The following GABRG3 variants were observed in gnomAD, a reference collection of about 807,000 sequenced individuals.
GABRG3 encodes the protein gamma-aminobutyric acid type A receptor subunit gamma3, also known as gamma-aminobutyric acid receptor subunit gamma-3.
A neutral mutation model predicts 48.8 loss-of-function variants in GABRG3; 25 were observed. That is an observed-to-expected ratio of 0.51 (90% CI 0.37 to 0.72). The LOEUF is 0.72. GABRG3 is among the 30% of genes least tolerant of loss of function. The pLI, the probability that GABRG3 is intolerant of heterozygous loss-of-function variation, is 0.00. For synonymous variants in GABRG3, 227 were observed against 217.6 expected, an observed-to-expected ratio of 1.04 and a Z score of -0.38; for missense variants, 394 against 577.9, an observed-to-expected ratio of 0.68 and a Z score of 3.26.
intron 3 of GABRG3, among the ~76,000 whole-genome samples, chr15:27,323,477 T>G (rs1174503180): frequency 6.6e-6 from 1 of 152,198 alleles, no homozygotes; most frequent in Non-Finnish European, 1.5e-5. Flanking sequence ...GAGTAAAACT[T>G]AAAAATGCCC....
intron 6 of GABRG3, among the ~76,000 whole-genome samples, chr15:27,512,718 T>C (rs758470845): frequency 7.9e-5 from 12 of 152,084 alleles, no homozygotes; most frequent in Non-Finnish European, 1.6e-4. Context: ...AGAAAAGAAC[T>C]CACAAACAGG....
At chr15:27,034,994 C>T (rs13380408) in intron 3 of GABRG3, among the ~76,000 whole-genome samples, 2,370 of 152,280 alleles carry the variant, frequency 0.016, 50 homozygotes, top group African/African-American at 0.053. Flanking sequence ...ACCTATGAGG[C>T]CATGGCTGTC....
rs1317590467 is a variant in GABRG3 at position 27,024,059 on chromosome 15, C to T, written c.203-2695C>T. 5.3e-5 allele frequency among the ~76,000 whole-genome samples: 8 copies of T among 152,100 alleles called. 1 individual carries two copies. The South Asian group carries it at 1.0e-3, about 20-fold the overall frequency. ...TATTTTGTGGTTTTGATTTGCATTT[C>T]CCTAATAACTAATGATGTTTTCATG... On this transcript the variant is annotated intron_variant, in intron 2 of 9. Coordinates refer to ENST00000615808, the MANE Select transcript of GABRG3 (RefSeq NM_033223.5).
intron 3 of GABRG3, among the ~76,000 whole-genome samples, chr15:27,046,087 C>CT (rs576009945): frequency 4.0e-5 from 6 of 151,854 alleles, no homozygotes; most frequent in African/African-American, 1.2e-4. Context: ...ACTTCTTTTT[C>CT]TTTTTTTTCT....
intron 3 of GABRG3, among the ~76,000 whole-genome samples, chr15:27,039,483 C>A (rs1222775340): frequency 6.6e-6 from 1 of 152,172 alleles, no homozygotes; most frequent in African/African-American, 2.4e-5. Flanking sequence ...TCCCTGCATG[C>A]TGCTCAGCAG....
intron 5 of GABRG3, among the ~76,000 whole-genome samples, chr15:27,477,168 G>A (rs1367274855): frequency 6.6e-6 from 1 of 152,180 alleles, no homozygotes; most frequent in Non-Finnish European, 1.5e-5. Context: ...TTGCCCAAAT[G>A]TAGAAGCAAC....
chr15:27,348,461 C>G lies in GABRG3; in HGVS notation c.574+19573C>G, dbSNP rs376423056. Among the ~76,000 whole-genome samples, 26 of 152,160 alleles carry G rather than the reference C, an allele frequency of 1.7e-4. No individual in the cohort carries two copies. In the East Asian group the frequency reaches 3.7e-3, roughly 21 times the overall value. On this transcript the variant is annotated intron_variant, in intron 5 of 9. Transcript: ENST00000615808. Reference sequence around the variant, plus strand: ...GAACTAATTTAGCCTTTAAAACAACCCACTGTGATAGGATTATGATTCTCT... The same window carrying G: ...GAACTAATTTAGCCTTTAAAACAACGCACTGTGATAGGATTATGATTCTCT...
intron 2 of GABRG3, among the ~76,000 whole-genome samples, chr15:27,009,247 C>T (rs112247598): frequency 1.3e-5 from 2 of 151,914 alleles, no homozygotes; most frequent in East Asian, 1.9e-4. Context: ...TAGAACAAGC[C>T]GTCAGTGTTG....
intron 3 of GABRG3, among the ~76,000 whole-genome samples, chr15:27,085,631 C>G (rs985439398): frequency 2.6e-5 from 4 of 152,162 alleles, no homozygotes; most frequent in Non-Finnish European, 5.9e-5. Flanking sequence ...ATCAATTATT[C>G]TAACTTAAAA....
chr15:27,213,021 A>G (rs1469636252), intron 3 of GABRG3, among the ~76,000 whole-genome samples: 1 of 152,118 alleles, frequency 6.6e-6, no homozygotes, highest in East Asian at 1.9e-4. Context: ...TACTTTAACA[A>G]TTCCTCTCTA....
intron 2 of GABRG3, among the ~76,000 whole-genome samples, chr15:26,980,237 T>C (rs990852234): frequency 3.3e-5 from 5 of 152,230 alleles, no homozygotes; most frequent in African/African-American, 1.2e-4. Flanking sequence ...GTTTATTTTA[T>C]TGACCTTTTT....
At chr15:27,459,843 C>T (rs147259465) in intron 5 of GABRG3, among the ~76,000 whole-genome samples, 2 of 152,304 alleles carry the variant, frequency 1.3e-5, no homozygotes, top group East Asian at 3.9e-4. Flanking sequence ...TTTTCCCTCT[C>T]ATTTCTTGCT....
chr15:27,305,490 T>A lies in GABRG3; in HGVS notation c.271-21319T>A, dbSNP rs533995054. Among the ~76,000 whole-genome samples the A allele has an allele frequency of 6.8e-5, 10 of 147,260 alleles. No individual in the cohort carries two copies. The South Asian group carries it at 1.3e-3, about 19-fold the overall frequency. On this transcript the variant is annotated intron_variant, in intron 3 of 9. Transcript: ENST00000615808. ...TGTGTGTGTGTGGTCTGTGTGTTTT[T>A]TATATATATATAAACATATATAAAC...
intron 3 of GABRG3, among the ~76,000 whole-genome samples, chr15:27,222,238 C>T (rs1004588841): frequency 5.3e-5 from 8 of 152,308 alleles, no homozygotes; most frequent in Non-Finnish European, 7.3e-5. Flanking sequence ...CAGCCAGCTG[C>T]GCAGGCTTGA....
At chr15:27,038,555 C>A (rs184162988) in intron 3 of GABRG3, among the ~76,000 whole-genome samples, 139 of 152,334 alleles carry the variant, frequency 9.1e-4, no homozygotes, top group African/African-American at 3.0e-3. Context: ...CTGGACACCA[C>A]CGGCTTCCCT....
intron 5 of GABRG3, among the ~76,000 whole-genome samples, chr15:27,426,335 T>G (rs541135759): frequency 2.6e-5 from 4 of 152,062 alleles, no homozygotes; most frequent in Non-Finnish European, 5.9e-5. Flanking sequence ...CAAAAGGGCA[T>G]GAAGGAAAAA....
At chr15:27,322,746 G>A (rs767976510) in intron 3 of GABRG3, among the ~76,000 whole-genome samples, 2 of 152,092 alleles carry the variant, frequency 1.3e-5, no homozygotes, top group Admixed American at 6.5e-5. Flanking sequence ...TCTTCTACAC[G>A]CCCCGAGTCT....
intron 5 of GABRG3, among the ~76,000 whole-genome samples, chr15:27,477,572 C>T (rs1452164609): frequency 1.3e-5 from 2 of 152,150 alleles, no homozygotes; most frequent in East Asian, 3.9e-4. Flanking sequence ...AAACTATGGA[C>T]TCTTAGTAAT....
At chr15:27,340,184 T>C (rs1894121185) in intron 5 of GABRG3, among the ~76,000 whole-genome samples, 1 of 152,156 alleles carries the variant, frequency 6.6e-6, no homozygotes, top group South Asian at 2.1e-4. Context: ...CCACTTAAGT[T>C]AGCTCAGAAA....
Sources: allele counts gnomAD v4.1 joint callset (sites outside exome capture counted in the v4.1 genomes callset), GRCh38; gene constraint gnomAD v4.1.1; transcripts MANE v1.5; gene names NCBI Gene and HGNC (gene_info 2026-07-23, HGNC 2026-07-21).